ZNF469: variants seen among roughly 807,000 people sequenced by gnomAD.
ZNF469 encodes zinc finger protein 469.
ZNF469 carries 1 observed loss-of-function variant against 1.0 expected under a neutral mutation model. That is an observed-to-expected ratio of 1.00 (90% CI 0.35 to 4.73). ZNF469 has a LOEUF of 4.73. Among genes scored for constraint, ZNF469 ranks in the 30% most tolerant of loss-of-function variants. The probability of loss-of-function intolerance (pLI) is 0.16; values close to 1 mark genes in which losing one functional copy is unlikely to be tolerated. For synonymous variants in ZNF469, 2,703 were observed against 2,363.4 expected, an observed-to-expected ratio of 1.14 and a Z score of -4.17; for missense variants, 6,100 against 5,356.3, an observed-to-expected ratio of 1.14 and a Z score of -4.33.
At chr16:88,108,379 C>T in the ZNF469 span, among the ~76,000 whole-genome samples, 4 of 152,174 alleles carry the variant, frequency 2.6e-5, no homozygotes, top group Admixed American at 6.5e-5. Context: ...CAGCCCATCT[C>T]GATTCTGGAC....
At chr16:88,283,159 G>A in the ZNF469 span, among the ~76,000 whole-genome samples, 1 of 152,136 alleles carries the variant, frequency 6.6e-6, no homozygotes, top group Admixed American at 6.5e-5. Flanking sequence ...GTCGTCTAGG[G>A]GGTGGGGAGG....
the ZNF469 span, among the ~76,000 whole-genome samples, chr16:88,120,667 C>G: frequency 7.2e-5 from 11 of 152,302 alleles, no homozygotes; most frequent in East Asian, 1.2e-3. Context: ...CCGCGGCTCC[C>G]GGGCGGGCCT....
the ZNF469 span, among the ~76,000 whole-genome samples, chr16:88,307,620 T>A: frequency 6.6e-6 from 1 of 152,256 alleles, no homozygotes; most frequent in African/African-American, 2.4e-5. Flanking sequence ...TTTCATGTGC[T>A]TGCTGACCAT....
chr16:88,363,650 C>T, the ZNF469 span, among the ~76,000 whole-genome samples: 3 of 152,344 alleles, frequency 2.0e-5, no homozygotes, highest in East Asian at 5.8e-4. Flanking sequence ...GGTTTTTCCA[C>T]CCAGCAAGAC....
At chr16:88,333,590 G>C in the ZNF469 span, among the ~76,000 whole-genome samples, 2 of 152,142 alleles carry the variant, frequency 1.3e-5, no homozygotes, top group African/African-American at 2.4e-5. Context: ...GTGACTGAGC[G>C]ACAGTTACAA....
chr16:88,107,186 G>C, the ZNF469 span, among the ~76,000 whole-genome samples: 1 of 152,162 alleles, frequency 6.6e-6, no homozygotes, highest in African/African-American at 2.4e-5. Context: ...CCCAAAACCT[G>C]TGCTTGATGC....
the ZNF469 span, among the ~76,000 whole-genome samples, chr16:88,198,118 C>T: frequency 6.6e-6 from 1 of 152,272 alleles, no homozygotes; most frequent in South Asian, 2.1e-4. Context: ...TGAGTACCTG[C>T]TGTGTGCCCA....
chr16:88,154,571 G>A, the ZNF469 span, among the ~76,000 whole-genome samples: 1 of 152,232 alleles, frequency 6.6e-6, no homozygotes, highest in Admixed American at 6.5e-5. Context: ...AGCCTCGCTG[G>A]CCTCCAAGGC....
chr16:88,149,785 T>C, the ZNF469 span, among the ~76,000 whole-genome samples: 3 of 152,138 alleles, frequency 2.0e-5, no homozygotes, highest in South Asian at 4.1e-4. Flanking sequence ...CTTTCCCTCT[T>C]TCAGTCTCAG....
At chr16:88,131,509 TC>T in the ZNF469 span, among the ~76,000 whole-genome samples, 10 of 152,232 alleles carry the variant, frequency 6.6e-5, no homozygotes, top group African/African-American at 2.2e-4. Flanking sequence ...GGCGCTGCCT[TC>T]CCGGGGGCCC....
chr16:88,243,404 C>G, the ZNF469 span, among the ~76,000 whole-genome samples: 19,562 of 152,188 alleles, frequency 0.13, 1,494 homozygotes, highest in Middle Eastern at 0.25. Context: ...TATACCCACC[C>G]CTTCTGGAAG....
the ZNF469 span, among the ~76,000 whole-genome samples, chr16:88,328,728 CAATGG>C: frequency 6.6e-6 from 1 of 152,206 alleles, no homozygotes; most frequent in Non-Finnish European, 1.5e-5. Context: ...CAGCTGAGTG[CAATGG>C]GAGAGGGTGC....
the ZNF469 span, among the ~76,000 whole-genome samples, chr16:88,133,309 C>T: frequency 1.9e-4 from 29 of 152,372 alleles, no homozygotes; most frequent in Non-Finnish European, 8.8e-5. Flanking sequence ...CGATCCCGCA[C>T]ATTCCCAGCG....
At chr16:88,380,759 C>T (rs1049159207), upstream of ZNF469, among the ~76,000 whole-genome samples, 1 of 147,816 alleles carries the variant, frequency 6.8e-6, no homozygotes, top group African/African-American at 2.5e-5. Flanking sequence ...CATGCACTCA[C>T]AGACGTCCTC....
the ZNF469 span, among the ~76,000 whole-genome samples, chr16:88,239,715 A>ATTTTT: frequency 2.9e-4 from 2 of 6,784 alleles, no homozygotes; most frequent in African/African-American, 1.4e-3. Context: ...ATATATATAT[A>ATTTTT]TTTTTTTTTT....
the ZNF469 span, among the ~76,000 whole-genome samples, chr16:88,370,370 C>T: frequency 1.3e-5 from 2 of 152,242 alleles, no homozygotes; most frequent in African/African-American, 2.4e-5. Flanking sequence ...GTGGGCCCCT[C>T]GTTATTCCTC....
the ZNF469 span, among the ~76,000 whole-genome samples, chr16:88,155,610 A>G: frequency 6.6e-6 from 1 of 152,228 alleles, no homozygotes; most frequent in African/African-American, 2.4e-5. Flanking sequence ...GGCGTTCTCC[A>G]TCTATGTTGC....
chr16:88,427,816 C>T lies in ZNF469; in HGVS notation c.346C>T (p.Pro116Ser). 1.3e-6 allele frequency: 2 copies of T among 1,548,402 alleles called. No homozygotes were observed. The highest frequency in any genetic ancestry group is 1.2e-5 in the South Asian group (1 of 84,060). Residue 116 changes from proline to serine, a missense_variant, in exon 3 of 3, where the codon CCC becomes TCC. Transcript: ENST00000565624. ...SRLAGRAEGS[P>S]PQRYILGIAS... ...GCTGGCGGGCAGGGCAGAGGGCAGCCCCCCACAGCGCTACATTCTGGGCAT... is the reference window on the plus strand; with the variant it reads ...GCTGGCGGGCAGGGCAGAGGGCAGCTCCCCACAGCGCTACATTCTGGGCAT...
At chr16:88,366,131 TCATCATCAC>T in the ZNF469 span, among the ~76,000 whole-genome samples, 127 of 148,748 alleles carry the variant, frequency 8.5e-4, 1 homozygote, top group East Asian at 0.017. Flanking sequence ...ATCATCACCA[TCATCATCAC>T]CATCATCACC....
Sources: allele counts gnomAD v4.1 joint callset (sites outside exome capture counted in the v4.1 genomes callset), GRCh38; gene constraint gnomAD v4.1.1; transcripts MANE v1.5; gene names NCBI Gene and HGNC (gene_info 2026-07-23, HGNC 2026-07-21).